Variants in GLRA2 observed in about 807,000 individuals in gnomAD.
GLRA2 encodes the protein glycine receptor subunit alpha-2.
A neutral mutation model predicts 31.6 loss-of-function variants in GLRA2; 11 were observed. The observed-to-expected ratio is 0.35, with a 90% CI of 0.22 to 0.58. The LOEUF (loss-of-function observed/expected upper bound fraction) is 0.58, where lower values mean the gene tolerates loss of function less well. GLRA2 is among the 20% of genes least tolerant of loss of function. The probability of loss-of-function intolerance (pLI) is 0.84; values close to 1 mark genes in which losing one functional copy is unlikely to be tolerated. For missense variants in GLRA2, 212 were observed against 351.8 expected, an observed-to-expected ratio of 0.60 and a Z score of 3.18; for synonymous variants, 132 against 134.0, an observed-to-expected ratio of 0.99 and a Z score of 0.10.
intron 4 of GLRA2, among the ~76,000 whole-genome samples, chrX:14,589,542 G>T (rs1039681938): frequency 9.5e-6 from 1 of 104,997 alleles, no homozygotes; most frequent in African/African-American, 3.5e-5. Context: ...ATGGTGTCGG[G>T]TGCCTGTAGT....
intron 8 of GLRA2, among the ~76,000 whole-genome samples, chrX:14,697,426 G>A (rs1268676227): frequency 8.9e-6 from 1 of 112,229 alleles, no homozygotes; most frequent in African/African-American, 3.2e-5. Context: ...GGGTATGCAT[G>A]TGCAGTGAAC....
At chrX:14,522,789 A>G in the GLRA2 span, among the ~76,000 whole-genome samples, 3 of 111,865 alleles carry the variant, frequency 2.7e-5, no homozygotes, top group African/African-American at 9.7e-5. Flanking sequence ...ATTTTTTCAG[A>G]GCAGTAGGTC....
chrX:14,608,900 CTT>C (rs35800731), intron 6 of GLRA2, 89 bp from the exon 7 acceptor site: 17,786 of 377,132 alleles, frequency 0.047, 1 homozygote, highest in Admixed American at 0.072. Context: ...CTGCAGTAGT[CTT>C]TTTTTTTTTT....
At chrX:14,499,659 G>A in the GLRA2 span, among the ~76,000 whole-genome samples, 1 of 110,789 alleles carries the variant, frequency 9.0e-6, no homozygotes, top group African/African-American at 3.3e-5. Flanking sequence ...TTAATCTTGG[G>A]TACATAAAGA....
At chrX:14,716,435 A>G (rs1264717668) in intron 8 of GLRA2, among the ~76,000 whole-genome samples, 2 of 111,857 alleles carry the variant, frequency 1.8e-5, no homozygotes, top group Non-Finnish European at 3.8e-5. Context: ...TAAAGTGAGT[A>G]GAAGAGGATG....
the GLRA2 span, among the ~76,000 whole-genome samples, chrX:14,459,380 T>C: frequency 1.8e-5 from 2 of 111,049 alleles, no homozygotes; most frequent in Non-Finnish European, 3.8e-5. Flanking sequence ...CCATATGAAC[T>C]TTAAAGTAGT....
At chrX:14,454,221 C>T in the GLRA2 span, among the ~76,000 whole-genome samples, 7 of 101,957 alleles carry the variant, frequency 6.9e-5, no homozygotes, top group African/African-American at 1.0e-4. Context: ...CACACACACA[C>T]GCACACATAC....
the GLRA2 span, among the ~76,000 whole-genome samples, chrX:14,477,058 G>A: frequency 9.0e-6 from 1 of 111,338 alleles, no homozygotes; most frequent in Admixed American, 9.6e-5. Flanking sequence ...GGAATGGTAG[G>A]CAATCATCCT....
At chrX:14,548,648 C>T (rs964047405) in intron 2 of GLRA2, among the ~76,000 whole-genome samples, 4 of 111,473 alleles carry the variant, frequency 3.6e-5, no homozygotes, top group Admixed American at 1.9e-4. Context: ...TGCCTAATAC[C>T]GAACATGGAT....
At chrX:14,621,232 C>G (rs2090512187) in intron 7 of GLRA2, among the ~76,000 whole-genome samples, 1 of 111,333 alleles carries the variant, frequency 9.0e-6, no homozygotes, top group African/African-American at 3.3e-5. Flanking sequence ...TCAAACTTTG[C>G]TACACATTAG....
At chrX:14,586,457 C>G (rs1006916020) in intron 4 of GLRA2, among the ~76,000 whole-genome samples, 10 of 112,226 alleles carry the variant, frequency 8.9e-5, no homozygotes, top group Middle Eastern at 4.6e-3. Flanking sequence ...TCATCTCTGA[C>G]AAGAGTATAC....
intron 7 of GLRA2, among the ~76,000 whole-genome samples, chrX:14,637,042 T>C (rs1428352328): frequency 9.0e-6 from 1 of 111,665 alleles, no homozygotes; most frequent in Non-Finnish European, 1.9e-5. Context: ...CTATGGACAG[T>C]GCCAAGATAT....
intron 7 of GLRA2, among the ~76,000 whole-genome samples, chrX:14,685,744 T>G (rs1254687577): frequency 8.9e-6 from 1 of 111,761 alleles, no homozygotes; most frequent in African/African-American, 3.3e-5. Context: ...TCAATTTTGT[T>G]GATCATTTCA....
chrX:14,510,919 T>TA, the GLRA2 span, among the ~76,000 whole-genome samples: 2 of 110,896 alleles, frequency 1.8e-5, no homozygotes, highest in African/African-American at 6.5e-5. Context: ...GGTTTTTTTT[T>TA]ATTTATTTTT....
chrX:14,684,918 T>G (rs1048630459), intron 7 of GLRA2, among the ~76,000 whole-genome samples: 1 of 110,752 alleles, frequency 9.0e-6, no homozygotes, highest in Non-Finnish European at 1.9e-5. Context: ...ATGCTTCCAG[T>G]TTTTGCCCAT....
the GLRA2 span, among the ~76,000 whole-genome samples, chrX:14,482,468 C>A: frequency 9.0e-6 from 1 of 110,835 alleles, no homozygotes; most frequent in African/African-American, 3.3e-5. Context: ...AGCAAAAATC[C>A]TCTCACCCAA....
chrX:14,556,069 T>C (rs2089638690), intron 2 of GLRA2, among the ~76,000 whole-genome samples: 1 of 112,078 alleles, frequency 8.9e-6, no homozygotes, highest in Admixed American at 9.4e-5. Flanking sequence ...GGGAGAATCA[T>C]GCAAAATTTC....
the GLRA2 span, among the ~76,000 whole-genome samples, chrX:14,511,959 A>G: frequency 9.0e-6 from 1 of 111,561 alleles, no homozygotes; most frequent in African/African-American, 3.3e-5. Flanking sequence ...TTTAATATAT[A>G]TCTTCTGAAT....
chrX:14,600,926 A>G (rs1409250694), intron 4 of GLRA2, among the ~76,000 whole-genome samples: 3 of 110,752 alleles, frequency 2.7e-5, no homozygotes, highest in African/African-American at 9.8e-5. Flanking sequence ...GATTCTCATT[A>G]TGGTAATAAT....
Sources: allele counts gnomAD v4.1 joint callset (sites outside exome capture counted in the v4.1 genomes callset), GRCh38; gene constraint gnomAD v4.1.1; transcripts MANE v1.5; gene names NCBI Gene and HGNC (gene_info 2026-07-23, HGNC 2026-07-21).